The following ISM1 variants were observed in gnomAD, a reference collection of about 807,000 sequenced individuals.
ISM1 encodes isthmin 1.
A neutral mutation model predicts 46.3 loss-of-function variants in ISM1; 25 were observed. The ratio of observed to expected loss-of-function variants is 0.54; its 90% CI spans 0.39 to 0.75. ISM1 has a LOEUF of 0.75. ISM1 is among the 30% of genes least tolerant of loss of function. The pLI is 0.00. For synonymous variants in ISM1, 255 were observed against 256.7 expected (o/e 0.99, Z 0.06); for missense variants, 536 against 625.4 (o/e 0.86, Z 1.52).
rs550116434 is a variant in ISM1, at chr20:13,267,010, C to G, written c.139-3494C>G. 1.1e-4 allele frequency among the ~76,000 whole-genome samples: 17 copies of G among 152,270 alleles called. 1 individual carries two copies. The highest frequency in any genetic ancestry group is 9.8e-4 in the Admixed American group (15 of 15,296). On this transcript the variant is annotated intron_variant, in intron 1 of 5. Transcript: ENST00000262487. Reference sequence around the variant, plus strand: ...ATTACTAGGATATTCTGTCTGTTGTCTCCTACCCTAGATTTAAAGTCTAGA... The same window carrying G: ...ATTACTAGGATATTCTGTCTGTTGTGTCCTACCCTAGATTTAAAGTCTAGA...
At chr20:13,294,029 G>A (rs978465065) in intron 5 of ISM1, among the ~76,000 whole-genome samples, 2 of 152,052 alleles carry the variant, frequency 1.3e-5, no homozygotes, top group South Asian at 4.1e-4. Flanking sequence ...CAGTGTCGGG[G>A]GCAGTAGAGA....
intron 2 of ISM1, among the ~76,000 whole-genome samples, chr20:13,276,102 G>A (rs530152168): frequency 6.6e-6 from 1 of 152,222 alleles, no homozygotes; most frequent in Non-Finnish European, 1.5e-5. Flanking sequence ...GGAAGAAGGG[G>A]TAGAATAATC....
intron 1 of ISM1, among the ~76,000 whole-genome samples, chr20:13,268,114 G>GTCTTCTCTTCTCATC (rs1555812429): frequency 7.1e-6 from 1 of 140,392 alleles, no homozygotes; most frequent in African/African-American, 2.7e-5. Flanking sequence ...CTCCTCTCCT[G>GTCTTCTCTTCTCATC]TCTTCTCTTC....
intron 3 of ISM1, among the ~76,000 whole-genome samples, chr20:13,280,214 T>C (rs2040223579): frequency 6.6e-6 from 1 of 151,090 alleles, no homozygotes; most frequent in Non-Finnish European, 1.5e-5. Flanking sequence ...AATGAAGAAA[T>C]TCTCCAATTA....
rs1249454989 is a variant in ISM1 at position 13,288,701 on chromosome 20, T to C, written c.787+18T>C. 2 of 1,600,680 alleles carry C rather than the reference T, an allele frequency of 1.2e-6. No homozygotes were observed. The highest frequency in any genetic ancestry group is 4.5e-5 in the East Asian group (2 of 44,548). ...CTGCCCAGGTGCGTTTACCTGAGTG[T>C]GTAGCTCCAAGTTCAAGGGGAAAGC... On this transcript the variant is annotated intron_variant, in intron 4 of 5. Coordinates refer to ENST00000262487, the MANE Select transcript of ISM1 (RefSeq NM_080826.2).
At chr20:13,241,561 G>C (rs1417033145) in intron 1 of ISM1, among the ~76,000 whole-genome samples, 2 of 152,128 alleles carry the variant, frequency 1.3e-5, no homozygotes, top group African/African-American at 4.8e-5. Context: ...GAGCTATGCA[G>C]ACAGGAGTAT....
At position 13,268,150 on chromosome 20, in the gene ISM1, T is replaced by TCTTCTCTTCTCTTCTCTTCTCTTCC. The variant is rs1456943060; in HGVS notation, c.139-2350_139-2349insTCTTCTCTTCTCTTCTCTTCCCTTC. 4.9e-5 allele frequency among the ~76,000 whole-genome samples: 7 copies of TCTTCTCTTCTCTTCTCTTCTCTTCC among 141,608 alleles called. No individual in the cohort carries two copies. The East Asian group carries it at 6.2e-4, about 13-fold the overall frequency. The allele number at this position is 141,608 out of a possible 152,430, so 92.9% of individuals were successfully genotyped here. A position where few individuals can be genotyped will look rare whatever the true frequency, so the allele number is the denominator to read the frequency against. On this transcript the variant is annotated intron_variant, in intron 1 of 5. Coordinates refer to ENST00000262487, the MANE Select transcript of ISM1 (RefSeq NM_080826.2). ...TCTTCTCTTCTCTTCTCTTCTCTTC[T>TCTTCTCTTCTCTTCTCTTCTCTTCC]CTTCCCTTCCCTTCTCTCCTCTCCT...
downstream of ISM1, among the ~76,000 whole-genome samples, chr20:13,303,737 G>T (rs765672609): frequency 6.6e-6 from 1 of 152,168 alleles, no homozygotes; most frequent in Non-Finnish European, 1.5e-5. Context: ...ATATACATAC[G>T]CCAGATACCA....
In ISM1 at chr20:13,221,815, G is replaced by A; in HGVS notation, c.39G>A (p.Gly13=). The change falls in exon 1 of 6, where the codon GGG becomes GGA. Residue 13 remains glycine (G), a synonymous_variant. Transcript: ENST00000262487. ...CGGCCGAGCTGCTGCTGCTGCTGGG[G>A]CTGCTGCTGCTCACGCTGCACATCA... is the stretch of plus-strand genomic sequence containing the variant. ...RLAAELLLLL[G]LLLLTLHITV... 6.9e-7 allele frequency: 1 copy of A among 1,457,740 alleles called. No homozygotes were observed. The highest frequency in any genetic ancestry group is 1.5e-5 in the African/African-American group (1 of 68,042). 90.3% of individuals were successfully genotyped at this position (1,457,740 alleles called of 1,614,324 possible).
intron 3 of ISM1, among the ~76,000 whole-genome samples, chr20:13,282,946 T>C (rs771067528): frequency 3.5e-4 from 54 of 152,394 alleles, no homozygotes; most frequent in Non-Finnish European, 7.2e-4. Context: ...TGATCATTGC[T>C]TCCCAGGATA....
intron 5 of ISM1, among the ~76,000 whole-genome samples, 200 bp from the exon 6 acceptor site, chr20:13,298,742 A>G (rs1304676799): frequency 6.6e-6 from 1 of 152,154 alleles, no homozygotes; most frequent in Non-Finnish European, 1.5e-5. Context: ...GGACGTGAGA[A>G]CGGCCATCCA....
chr20:13,249,833 T>TTG (rs1429608210), intron 1 of ISM1, among the ~76,000 whole-genome samples: 1 of 147,528 alleles, frequency 6.8e-6, no homozygotes, highest in Non-Finnish European at 1.5e-5. Context: ...TTGTTTTGTT[T>TTG]TGTTTCCTGG....
the ISM1 span, among the ~76,000 whole-genome samples, chr20:13,323,778 C>A: frequency 7.2e-5 from 11 of 152,210 alleles, no homozygotes; most frequent in South Asian, 1.0e-3. Context: ...CTTCTTCAAT[C>A]CCAGAATTTT....
At chr20:13,260,483 GAGA>G (rs1220868971) in intron 1 of ISM1, among the ~76,000 whole-genome samples, 4 of 152,214 alleles carry the variant, frequency 2.6e-5, no homozygotes, top group Non-Finnish European at 4.4e-5. Context: ...AGAGAGAAAG[GAGA>G]AGATGTTCTA....
At chr20:13,270,462 A>G in intron 1 of ISM1, 42 bp from the exon 2 acceptor site, 4 of 1,570,414 alleles carry the variant, frequency 2.5e-6, no homozygotes, top group Middle Eastern at 1.7e-4. Context: ...TTTTTTAATC[A>G]TGTGTCTCCT....
At chr20:13,228,670 A>G (rs1403994195) in intron 1 of ISM1, among the ~76,000 whole-genome samples, 1 of 152,100 alleles carries the variant, frequency 6.6e-6, no homozygotes, top group African/African-American at 2.4e-5. Flanking sequence ...GGACCCTTTC[A>G]TTCTGAAGTC....
chr20:13,300,579 G>A lies in ISM1; in HGVS notation c.*1120G>A, dbSNP rs891085974. ...GGTAGAACTTAGGAAAAATAAAGTT[G>A]GTTCTTATTCAATATTTTACTTTGC... is the stretch of plus-strand genomic sequence containing the variant. On this transcript the variant is annotated 3_prime_UTR_variant, in exon 6 of 6. Coordinates refer to ENST00000262487, the MANE Select transcript of ISM1 (RefSeq NM_080826.2). The A allele has an allele frequency of 6.6e-6, 1 of 152,054 alleles. No individual in the cohort carries two copies. The highest frequency in any genetic ancestry group is 1.5e-5 in the Non-Finnish European group (1 of 67,996). The allele number at this position is 152,054 out of a possible 1,614,324, so 9.4% of individuals were successfully genotyped here. A position where few individuals can be genotyped will look rare whatever the true frequency, so the allele number is the denominator to read the frequency against.
At chr20:13,270,397 T>A in intron 1 of ISM1, 107 bp from the exon 2 acceptor site, 2 of 1,304,054 alleles carry the variant, frequency 1.5e-6, no homozygotes, top group South Asian at 2.8e-5. Flanking sequence ...CTGGCTTAAT[T>A]TCAGCCACTG....
At chr20:13,241,039 A>G (rs1385665745) in intron 1 of ISM1, among the ~76,000 whole-genome samples, 1 of 152,208 alleles carries the variant, frequency 6.6e-6, no homozygotes, top group Non-Finnish European at 1.5e-5. Flanking sequence ...GAGGTGTGTC[A>G]CAGAAGCCAG....
Sources: gnomAD v4.1 joint callset for allele counts (sites outside exome capture counted in the v4.1 genomes callset) on GRCh38, gnomAD v4.1.1 for gene constraint, MANE v1.5 for transcripts, NCBI Gene and HGNC (gene_info 2026-07-23, HGNC 2026-07-21) for gene names.